The following MAP3K13 variants were observed in gnomAD, a reference collection of about 807,000 sequenced individuals.
The protein encoded by MAP3K13 is leucine zipper-bearing kinase.
Under a neutral mutation model 104.0 loss-of-function variants are expected in MAP3K13, and 52 were observed. The ratio of observed to expected loss-of-function variants is 0.50; its 90% CI spans 0.40 to 0.63. The LOEUF (loss-of-function observed/expected upper bound fraction) is 0.63, where lower values mean the gene tolerates loss of function less well. Ranked by LOEUF, MAP3K13 falls within the 20% of genes least tolerant of loss-of-function variation. The probability of loss-of-function intolerance (pLI) is 0.00; values close to 1 mark genes in which losing one functional copy is unlikely to be tolerated. For missense variants in MAP3K13, 914 were observed against 1,218.5 expected, an observed-to-expected ratio of 0.75 and a Z score of 3.72; for synonymous variants, 394 against 442.2, an observed-to-expected ratio of 0.89 and a Z score of 1.37.
At chr3:185,294,093 G>C (rs1212506050) in intron 2 of MAP3K13, among the ~76,000 whole-genome samples, 1 of 152,124 alleles carries the variant, frequency 6.6e-6, no homozygotes. Flanking sequence ...GTAGAGAGAG[G>C]CTATCGAGAA....
intron 2 of MAP3K13, among the ~76,000 whole-genome samples, chr3:185,297,375 T>C (rs191506561): frequency 6.6e-6 from 1 of 152,306 alleles, no homozygotes; most frequent in Admixed American, 6.5e-5. Context: ...CCTCTAATCA[T>C]GAGGTAGCAT....
chr3:185,436,411 T>C (rs1181513889), intron 2 of MAP3K13, among the ~76,000 whole-genome samples: 1 of 152,184 alleles, frequency 6.6e-6, no homozygotes, highest in Non-Finnish European at 1.5e-5. Flanking sequence ...TGAGAGGCAA[T>C]GTCATATAGG....
In MAP3K13 at chr3:185,455,902, T is replaced by G. The variant is rs1332560000; in HGVS notation, c.1278+4507T>G. On this transcript the variant is annotated intron_variant, in intron 7 of 13. Transcript: ENST00000265026. ...AGATATATGATATAGATGAGATATA[T>G]ATGATATAGATGAGATATATATGAT... 2.8e-5 allele frequency among the ~76,000 whole-genome samples: 4 copies of G among 141,728 alleles called. No individual in the cohort carries two copies. The East Asian group carries it at 7.9e-4, about 28-fold the overall frequency. The allele number at this position is 141,728 out of a possible 152,430, so 93.0% of individuals were successfully genotyped here. A position where few individuals can be genotyped will look rare whatever the true frequency, so the allele number is the denominator to read the frequency against.
intron 2 of MAP3K13, among the ~76,000 whole-genome samples, chr3:185,327,565 G>C (rs748346484): frequency 4.6e-5 from 7 of 152,152 alleles, no homozygotes; most frequent in African/African-American, 9.7e-5. Context: ...TGTTCATAAA[G>C]TGATTAGTGC....
intron 2 of MAP3K13, among the ~76,000 whole-genome samples, chr3:185,323,239 A>T (rs1186798634): frequency 2.6e-5 from 4 of 152,150 alleles, no homozygotes; most frequent in South Asian, 2.1e-4. Context: ...ATTAACTAAA[A>T]GCCAGACTTT....
intron 1 of MAP3K13, among the ~76,000 whole-genome samples, chr3:185,401,076 G>T (rs968191487): frequency 1.3e-5 from 2 of 152,088 alleles, no homozygotes; most frequent in African/African-American, 4.8e-5. Flanking sequence ...ACAAGCTCAT[G>T]CGTGCAGGTA....
At chr3:185,348,021 A>AG (rs1722999290) in intron 2 of MAP3K13, among the ~76,000 whole-genome samples, 3 of 151,892 alleles carry the variant, frequency 2.0e-5, no homozygotes, top group Admixed American at 2.0e-4. Context: ...TCAAAAAAAA[A>AG]AAAAAAGAAA....
chr3:185,470,507 CG>C (rs1229511413), intron 10 of MAP3K13, among the ~76,000 whole-genome samples: 1 of 152,160 alleles, frequency 6.6e-6, no homozygotes, highest in Non-Finnish European at 1.5e-5. Flanking sequence ...CGCACTAGCC[CG>C]TCTCTTCCTG....
intron 1 of MAP3K13, among the ~76,000 whole-genome samples, chr3:185,424,333 A>G (rs1234155772): frequency 6.6e-6 from 1 of 152,242 alleles, no homozygotes; most frequent in Non-Finnish European, 1.5e-5. Flanking sequence ...AAAGCACTCT[A>G]TGAAAGTGAG....
chr3:185,323,549 T>G (rs1721940701), intron 2 of MAP3K13, among the ~76,000 whole-genome samples: 1 of 152,152 alleles, frequency 6.6e-6, no homozygotes, highest in African/African-American at 2.4e-5. Flanking sequence ...GTCAGGCTGG[T>G]CTCGAACTCC....
At chr3:185,361,401 T>TG (rs553032021), upstream of MAP3K13, among the ~76,000 whole-genome samples, 145 of 151,596 alleles carry the variant, frequency 9.6e-4, no homozygotes, top group African/African-American at 3.3e-3. Context: ...TTTTGTTTTT[T>TG]TTTTTTCTTT....
chr3:185,445,236 C>T (rs1715531923), intron 4 of MAP3K13, among the ~76,000 whole-genome samples: 1 of 152,138 alleles, frequency 6.6e-6, no homozygotes, highest in Non-Finnish European at 1.5e-5. Flanking sequence ...CTGCATTCTA[C>T]CTCATTATGT....
At position 185,473,572 on chromosome 3, in the gene MAP3K13, T is replaced by C. The variant is rs745443067; in HGVS notation, c.2241T>C (p.Ser747=). The change falls in exon 11 of 14, where the codon TCT becomes TCC. Residue 747 remains serine, a synonymous_variant. Coordinates refer to ENST00000265026, the MANE Select transcript of MAP3K13 (RefSeq NM_004721.5). The surrounding 1 kb of genome is among the most constrained non-coding windows in gnomAD (Gnocchi z 4.9). ...PEQYGSLDIP[S]AEPVGRSPDL... is the part of the protein sequence containing the mutation. ...AGTATGGGTCCTTAGACATACCCTC[T>C]GCTGAGCCAGTGGGGAGGAGCCCTG... 2 of 1,614,188 alleles carry C rather than the reference T, an allele frequency of 1.2e-6. No homozygotes were observed. Among genetic ancestry groups the C allele is most frequent in the Non-Finnish European group, 1.7e-6 (2 of 1,180,024 alleles).
intron 1 of MAP3K13, chr3:185,285,460 G>C: frequency 5.8e-6 from 3 of 519,560 alleles, no homozygotes; most frequent in Non-Finnish European, 1.0e-5. Context: ...TATTCATAAT[G>C]AGTTGGTATC....
intron 3 of MAP3K13, among the ~76,000 whole-genome samples, chr3:185,441,288 C>T (rs1715306162): frequency 6.6e-6 from 1 of 152,200 alleles, no homozygotes. Context: ...ATGTTAGTCT[C>T]CTTCCTCCTC....
At chr3:185,327,390 A>G (rs1411637274) in intron 2 of MAP3K13, among the ~76,000 whole-genome samples, 1 of 152,182 alleles carries the variant, frequency 6.6e-6, no homozygotes, top group African/African-American at 2.4e-5. Context: ...ACAGGTTCTC[A>G]GGATTAGGAC....
intron 7 of MAP3K13, among the ~76,000 whole-genome samples, chr3:185,453,874 A>C (rs1716052078): frequency 2.2e-5 from 2 of 89,812 alleles, no homozygotes; most frequent in African/African-American, 7.4e-5. Flanking sequence ...TATGATACAT[A>C]TATATGAGAT....
In MAP3K13 at chr3:185,477,413, C is replaced by A; in HGVS notation, c.2501+17C>A. Reference sequence around the variant, plus strand: ...AAGACAGAGGTAAAACCAACAAATGCACACGATTGCTTTTAGTGGAATGGG... The same window carrying A: ...AAGACAGAGGTAAAACCAACAAATGAACACGATTGCTTTTAGTGGAATGGG... On this transcript the variant is annotated intron_variant, in intron 12 of 13. Transcript: ENST00000265026. 6.3e-7 allele frequency: 1 copy of A among 1,591,932 alleles called. No individual in the cohort carries two copies. Among genetic ancestry groups the A allele is most frequent in the South Asian group, 1.1e-5 (1 of 90,480 alleles).
At chr3:185,386,831 A>G (rs532322953) in intron 1 of MAP3K13, among the ~76,000 whole-genome samples, 10 of 152,228 alleles carry the variant, frequency 6.6e-5, no homozygotes, top group Non-Finnish European at 1.3e-4. Context: ...GTTCTCACTT[A>G]TAAGTGGGAA....
Sources: allele counts gnomAD v4.1 joint callset (sites outside exome capture counted in the v4.1 genomes callset), GRCh38; gene constraint gnomAD v4.1.1; non-coding constraint Gnocchi (gnomAD v3.1); transcripts MANE v1.5; gene names NCBI Gene and HGNC (gene_info 2026-07-23, HGNC 2026-07-21).